Variants in MYO3B observed in about 807,000 individuals in gnomAD.
MYO3B encodes myosin IIIB, also known as myosin-IIIb.
In MYO3B, 156 loss-of-function variants were observed where a neutral mutation model predicts 174.6. That is an observed-to-expected ratio of 0.89 (90% CI 0.78 to 1.02). The LOEUF (loss-of-function observed/expected upper bound fraction) is 1.02, where lower values mean the gene tolerates loss of function less well. MYO3B is among the 50% of genes least tolerant of loss of function. The pLI, the probability that MYO3B is intolerant of heterozygous loss-of-function variation, is 0.00. For missense variants in MYO3B, 1,632 were observed against 1,639.4 expected (o/e 1.00, Z 0.08); for synonymous variants, 563 against 569.1 (o/e 0.99, Z 0.15).
intron 32 of MYO3B, among the ~76,000 whole-genome samples, chr2:170,594,354 T>C (rs766320212): frequency 3.3e-5 from 5 of 151,962 alleles, no homozygotes; most frequent in South Asian, 4.2e-4. Context: ...AGAGCGGAGA[T>C]GAGAGATGAG....
chr2:170,501,148 T>C (rs1239245549), intron 27 of MYO3B, among the ~76,000 whole-genome samples: 1 of 152,132 alleles, frequency 6.6e-6, no homozygotes, highest in Non-Finnish European at 1.5e-5. Context: ...TCTAAAGGGC[T>C]TACCACCTTT....
chr2:170,544,306 G>A (rs16858707), intron 32 of MYO3B, among the ~76,000 whole-genome samples: 8 of 152,156 alleles, frequency 5.3e-5, no homozygotes, highest in African/African-American at 1.4e-4. Flanking sequence ...AGCGGATCAC[G>A]CAGGGTCGAA....
rs537397992 is a variant in MYO3B at position 170,379,287 on chromosome 2, C to T, written c.972-2729C>T. On this transcript the variant is annotated intron_variant, in intron 9 of 34. Transcript: ENST00000408978. ...TCGGCTCACTGCAACCTCTGCCTCC[C>T]GGGTTCAAGCAATTCTCCTGCCTCA... Among the ~76,000 whole-genome samples, 13 of 150,606 alleles carry T rather than the reference C, an allele frequency of 8.6e-5. No individual in the cohort carries two copies. The East Asian group carries it at 2.0e-3, about 23-fold the overall frequency.
intron 3 of MYO3B, among the ~76,000 whole-genome samples, chr2:170,209,898 C>T (rs1481494135): frequency 6.6e-6 from 1 of 152,074 alleles, no homozygotes; most frequent in African/African-American, 2.4e-5. Context: ...TGTAACTAAA[C>T]ATGTCAAATG....
chr2:170,280,351 T>C (rs2093499062), intron 7 of MYO3B, among the ~76,000 whole-genome samples: 1 of 152,158 alleles, frequency 6.6e-6, no homozygotes, highest in Admixed American at 6.6e-5. Context: ...TTCTTATAGA[T>C]GCTACATATT....
At chr2:170,602,123 C>A in intron 32 of MYO3B, 1 of 1,224,218 alleles carries the variant, frequency 8.2e-7, no homozygotes, top group Non-Finnish European at 1.2e-6. Flanking sequence ...GAGAAGTTGA[C>A]TGAGGCATCT....
intron 7 of MYO3B, among the ~76,000 whole-genome samples, chr2:170,282,324 A>G (rs2093517730): frequency 6.6e-6 from 1 of 152,140 alleles, no homozygotes; most frequent in Non-Finnish European, 1.5e-5. Context: ...CTGCATATAG[A>G]TAACCAATTT....
At chr2:170,296,658 G>A (rs2093630585) in intron 7 of MYO3B, among the ~76,000 whole-genome samples, 1 of 152,104 alleles carries the variant, frequency 6.6e-6, no homozygotes, top group Admixed American at 6.6e-5. Context: ...GCTGACCTCT[G>A]TATTAGTCTG....
intron 25 of MYO3B, among the ~76,000 whole-genome samples, chr2:170,473,386 TC>T (rs760131720): frequency 6.6e-6 from 1 of 152,126 alleles, no homozygotes; most frequent in Non-Finnish European, 1.5e-5. Context: ...GACCTTGTGA[TC>T]CGCCTGCCTC....
chr2:170,237,656 C>A (rs189230174), intron 7 of MYO3B, among the ~76,000 whole-genome samples: 1 of 152,294 alleles, frequency 6.6e-6, no homozygotes, highest in East Asian at 1.9e-4. Context: ...CTCATCTCTT[C>A]CATCTTGGGA....
intron 32 of MYO3B, among the ~76,000 whole-genome samples, chr2:170,626,636 C>T (rs927968633): frequency 7.3e-5 from 11 of 151,574 alleles, no homozygotes; most frequent in East Asian, 1.9e-4. Context: ...CAGTTTCTTC[C>T]GAGGATAGAT....
At chr2:170,371,722 T>A (rs564011370) in intron 9 of MYO3B, among the ~76,000 whole-genome samples, 4 of 148,746 alleles carry the variant, frequency 2.7e-5, no homozygotes, top group Non-Finnish European at 5.9e-5. Context: ...TTGAGGTGAG[T>A]ATATAGATGA....
chr2:170,603,754 G>A (rs1056013279), intron 32 of MYO3B, among the ~76,000 whole-genome samples: 5 of 152,178 alleles, frequency 3.3e-5, no homozygotes, highest in Non-Finnish European at 7.4e-5. Context: ...ATATTCATCA[G>A]TAGAAACTTG....
intron 7 of MYO3B, among the ~76,000 whole-genome samples, chr2:170,296,898 C>A (rs1029199942): frequency 1.3e-5 from 2 of 152,106 alleles, no homozygotes; most frequent in Admixed American, 1.3e-4. Flanking sequence ...TTTTAAACAA[C>A]CACATGTCAT....
At chr2:170,502,878 C>T (rs1440101534) in intron 28 of MYO3B, among the ~76,000 whole-genome samples, 1 of 152,208 alleles carries the variant, frequency 6.6e-6, no homozygotes, top group Non-Finnish European at 1.5e-5. Flanking sequence ...ACTCTTAGAC[C>T]ACTGTAGAAG....
At chr2:170,210,403 C>G (rs997655832) in intron 3 of MYO3B, among the ~76,000 whole-genome samples, 3 of 152,210 alleles carry the variant, frequency 2.0e-5, no homozygotes, top group Non-Finnish European at 2.9e-5. Flanking sequence ...ACACATCTTA[C>G]TGTTCCTACA....
intron 23 of MYO3B, among the ~76,000 whole-genome samples, chr2:170,452,220 A>G (rs62170685): frequency 0.079 from 12,086 of 152,186 alleles, 556 homozygotes; most frequent in Non-Finnish European, 0.1. Flanking sequence ...TTCAGGTAAC[A>G]TAACGTAAAA....
chr2:170,477,159 A>G (rs1244349518), intron 25 of MYO3B, among the ~76,000 whole-genome samples: 1 of 152,148 alleles, frequency 6.6e-6, no homozygotes, highest in Non-Finnish European at 1.5e-5. Flanking sequence ...GACTGCTGTC[A>G]GCCTGACCTT....
At chr2:170,628,747 C>T (rs549453275) in intron 32 of MYO3B, among the ~76,000 whole-genome samples, 2 of 152,168 alleles carry the variant, frequency 1.3e-5, no homozygotes, top group African/African-American at 2.4e-5. Flanking sequence ...TCAAAGCCCC[C>T]CTAGAAGTTC....
Sources: allele counts gnomAD v4.1 joint callset (sites outside exome capture counted in the v4.1 genomes callset), GRCh38; gene constraint gnomAD v4.1.1; transcripts MANE v1.5; gene names NCBI Gene and HGNC (gene_info 2026-07-23, HGNC 2026-07-21).